C10orf90: variants seen among roughly 807,000 people sequenced by gnomAD.
C10orf90 encodes (E2-independent) E3 ubiquitin-conjugating enzyme FATS.
A neutral mutation model predicts 62.5 loss-of-function variants in C10orf90; 56 were observed. That is an observed-to-expected ratio of 0.90 (90% CI 0.72 to 1.12). C10orf90 has a LOEUF of 1.12. Among genes scored for constraint, C10orf90 ranks in the 50% most tolerant of loss-of-function variants. The pLI, the probability that C10orf90 is intolerant of heterozygous loss-of-function variation, is 0.00. For synonymous variants in C10orf90, 386 were observed against 340.4 expected (o/e 1.13, Z -1.47); for missense variants, 970 against 880.4 (o/e 1.10, Z -1.29).
chr10:126,565,640 A>G (rs987992898), intron 2 of C10orf90, among the ~76,000 whole-genome samples: 5 of 151,634 alleles, frequency 3.3e-5, no homozygotes, highest in African/African-American at 4.8e-5. Flanking sequence ...TAGCTTAAGG[A>G]ACTTCAAAGC....
intron 2 of C10orf90, among the ~76,000 whole-genome samples, chr10:126,565,258 T>TGGAATATA (rs1844337062): frequency 5.3e-5 from 1 of 18,976 alleles, no homozygotes; most frequent in African/African-American, 2.9e-4. Context: ...TATTATATTA[T>TGGAATATA]ATATTTATAT....
At chr10:126,613,531 C>T (rs1398627788) in intron 2 of C10orf90, among the ~76,000 whole-genome samples, 4 of 152,216 alleles carry the variant, frequency 2.6e-5, no homozygotes, top group Non-Finnish European at 4.4e-5. Flanking sequence ...CAGGCATGAG[C>T]CACCATGCCC....
chr10:126,612,995 T>A (rs1205255206), intron 2 of C10orf90, among the ~76,000 whole-genome samples: 1 of 152,142 alleles, frequency 6.6e-6, no homozygotes, highest in Non-Finnish European at 1.5e-5. Context: ...GGGGCTGATG[T>A]CTCGTGAGGC....
chr10:126,619,017 CT>C (rs1451076722), intron 2 of C10orf90, among the ~76,000 whole-genome samples: 1 of 152,126 alleles, frequency 6.6e-6, no homozygotes, highest in Non-Finnish European at 1.5e-5. Context: ...GAGATCATGT[CT>C]TTTGCAGGGA....
intron 3 of C10orf90, among the ~76,000 whole-genome samples, chr10:126,509,043 C>A (rs891308511): frequency 1.3e-5 from 2 of 152,106 alleles, no homozygotes; most frequent in South Asian, 4.2e-4. Context: ...GGCTGCAGGC[C>A]GGTACATCCC....
At chr10:126,660,156 C>T (rs2133870051) in intron 1 of C10orf90, among the ~76,000 whole-genome samples, 1 of 152,348 alleles carries the variant, frequency 6.6e-6, no homozygotes, top group Non-Finnish European at 1.5e-5. Flanking sequence ...GTGTACACGC[C>T]CTACATGTTC....
intron 7 of C10orf90, among the ~76,000 whole-genome samples, chr10:126,431,011 CCT>C (rs1419654262): frequency 5.3e-5 from 8 of 152,120 alleles, no homozygotes; most frequent in Non-Finnish European, 1.0e-4. Context: ...AAGCTTGTCC[CCT>C]GTCTGGTTAT....
intron 7 of C10orf90, among the ~76,000 whole-genome samples, chr10:126,454,740 G>A (rs540741920): frequency 4.6e-5 from 7 of 152,228 alleles, no homozygotes; most frequent in African/African-American, 1.4e-4. Context: ...GTAAGGCAGA[G>A]CAATGACAAA....
chr10:126,526,768 C>T (rs1818849274), intron 2 of C10orf90, among the ~76,000 whole-genome samples: 1 of 152,226 alleles, frequency 6.6e-6, no homozygotes, highest in Non-Finnish European at 1.5e-5. Flanking sequence ...ACAACTGTCT[C>T]TCTCTGGAGT....
chr10:126,577,101 T>C (rs1844642988), intron 2 of C10orf90, among the ~76,000 whole-genome samples: 1 of 151,878 alleles, frequency 6.6e-6, no homozygotes, highest in African/African-American at 2.4e-5. Flanking sequence ...ATGACTATAG[T>C]TAACAGTAAT....
chr10:126,495,989 A>G (rs1220528673), intron 4 of C10orf90, among the ~76,000 whole-genome samples: 3 of 152,176 alleles, frequency 2.0e-5, no homozygotes, highest in Non-Finnish European at 4.4e-5. Context: ...CTGGTGGAGT[A>G]TAAATGGAGC....
At chr10:126,651,945 C>A (rs1035207950) in intron 1 of C10orf90, among the ~76,000 whole-genome samples, 5 of 152,158 alleles carry the variant, frequency 3.3e-5, no homozygotes, top group Admixed American at 6.5e-5. Context: ...ACAGCACATG[C>A]GATGGATGGT....
intron 4 of C10orf90, among the ~76,000 whole-genome samples, chr10:126,467,303 T>C (rs1860345783): frequency 6.6e-6 from 1 of 152,226 alleles, no homozygotes; most frequent in Non-Finnish European, 1.5e-5. Context: ...CTTTTCTGAC[T>C]ACTGATTGAT....
At chr10:126,620,047 A>G (rs1845616489) in intron 2 of C10orf90, among the ~76,000 whole-genome samples, 1 of 152,160 alleles carries the variant, frequency 6.6e-6, no homozygotes, top group Non-Finnish European at 1.5e-5. Context: ...GATATAAATT[A>G]TCTTCTGACA....
intron 4 of C10orf90, among the ~76,000 whole-genome samples, chr10:126,476,299 T>A (rs1860862646): frequency 1.3e-5 from 2 of 152,188 alleles, no homozygotes; most frequent in African/African-American, 4.8e-5. Flanking sequence ...TCAACCCAAA[T>A]TCTCAGCTGG....
chr10:126,444,218 C>T (rs549100097), intron 7 of C10orf90, among the ~76,000 whole-genome samples: 1 of 152,058 alleles, frequency 6.6e-6, no homozygotes, highest in East Asian at 1.9e-4. Flanking sequence ...AATCAGTAAA[C>T]AGGAGGTCAA....
intron 1 of C10orf90, among the ~76,000 whole-genome samples, chr10:126,647,595 C>A (rs1846197687): frequency 6.6e-6 from 1 of 152,296 alleles, no homozygotes; most frequent in South Asian, 2.1e-4. Flanking sequence ...TGGGGTGGGA[C>A]AAGGACCTAA....
At chr10:126,508,722 G>T (rs191258043) in intron 3 of C10orf90, among the ~76,000 whole-genome samples, 1 of 152,204 alleles carries the variant, frequency 6.6e-6, no homozygotes, top group Non-Finnish European at 1.5e-5. Context: ...CTTGGACAGG[G>T]CCTTTGGCTG....
intron 2 of C10orf90, among the ~76,000 whole-genome samples, chr10:126,602,990 T>A (rs1390024250): frequency 6.9e-6 from 1 of 145,274 alleles, no homozygotes; most frequent in Non-Finnish European, 1.5e-5. Context: ...AGAGACAGAG[T>A]GAGAGAGACA....
Sources: allele counts gnomAD v4.1 joint callset (sites outside exome capture counted in the v4.1 genomes callset), GRCh38; gene constraint gnomAD v4.1.1; transcripts MANE v1.5; gene names NCBI Gene and HGNC (gene_info 2026-07-23, HGNC 2026-07-21).